Variants in NRG3 observed in about 807,000 individuals in gnomAD.
The protein encoded by NRG3 is neuregulin 3.
A neutral mutation model predicts 66.9 loss-of-function variants in NRG3; 31 were observed. That is an observed-to-expected ratio of 0.46 (90% confidence interval 0.35 to 0.63). The LOEUF is 0.63. Ranked by LOEUF, NRG3 falls within the 20% of genes least tolerant of loss-of-function variation. The probability of loss-of-function intolerance (pLI) is 0.00; values close to 1 mark genes in which losing one functional copy is unlikely to be tolerated. For synonymous variants in NRG3, 393 were observed against 359.4 expected (o/e 1.09, Z -1.06); for missense variants, 910 against 878.9 (o/e 1.04, Z -0.45).
chr10:82,373,861 A>C (rs1191663723), intron 2 of NRG3, among the ~76,000 whole-genome samples: 1 of 152,172 alleles, frequency 6.6e-6, no homozygotes, highest in Non-Finnish European at 1.5e-5. Context: ...AGAAATAGTG[A>C]TTATTTTAAT....
chr10:82,940,285 A>G (rs2132257301), intron 4 of NRG3, among the ~76,000 whole-genome samples: 1 of 152,202 alleles, frequency 6.6e-6, no homozygotes, highest in African/African-American at 2.4e-5. Flanking sequence ...GTATTAGCAG[A>G]CTTGGTTTCT....
chr10:82,977,885 A>G (rs765906637), intron 7 of NRG3, among the ~76,000 whole-genome samples: 1 of 152,196 alleles, frequency 6.6e-6, no homozygotes, highest in Non-Finnish European at 1.5e-5. Context: ...ATAATATAGT[A>G]ATATGGGTAA....
At chr10:82,716,621 A>G (rs1375491191) in intron 2 of NRG3, among the ~76,000 whole-genome samples, 1 of 152,188 alleles carries the variant, frequency 6.6e-6, no homozygotes, top group Non-Finnish European at 1.5e-5. Context: ...TCTTTGTCCA[A>G]ACCAAAATGA....
intron 2 of NRG3, among the ~76,000 whole-genome samples, chr10:82,622,880 A>G (rs931315935): frequency 6.6e-6 from 1 of 152,196 alleles, no homozygotes; most frequent in South Asian, 2.1e-4. Flanking sequence ...TGTTCTGAGC[A>G]TGTTTGAAGT....
chr10:82,963,543 G>A (rs1201249646), intron 6 of NRG3, among the ~76,000 whole-genome samples: 6 of 152,264 alleles, frequency 3.9e-5, no homozygotes, highest in East Asian at 1.9e-4. Context: ...AGCCTGGCGC[G>A]GTGGCTGACG....
chr10:81,971,478 C>T (rs149470654), intron 1 of NRG3, among the ~76,000 whole-genome samples: 1 of 152,234 alleles, frequency 6.6e-6, no homozygotes, highest in Non-Finnish European at 1.5e-5. Flanking sequence ...TGGAAAAGAT[C>T]AACTATGATG....
chr10:82,057,721 A>AT (rs2063917662), intron 1 of NRG3, among the ~76,000 whole-genome samples: 1 of 150,762 alleles, frequency 6.6e-6, no homozygotes, highest in Non-Finnish European at 1.5e-5. Context: ...CTTCTCCTTC[A>AT]CTGCCTCCTC....
At chr10:82,560,483 T>G (rs2044966208) in intron 2 of NRG3, among the ~76,000 whole-genome samples, 1 of 151,108 alleles carries the variant, frequency 6.6e-6, no homozygotes, top group African/African-American at 2.4e-5. Context: ...TACTTATATT[T>G]TGGATAAGTA....
intron 2 of NRG3, among the ~76,000 whole-genome samples, chr10:82,669,248 GTAATAATAA>G (rs5786560): frequency 0.093 from 13,311 of 142,934 alleles, 1,080 homozygotes; most frequent in African/African-American, 0.22. Flanking sequence ...ATTTATGATG[GTAATAATAA>G]TAATAATAAT....
chr10:82,083,985 C>T lies in NRG3; in HGVS notation c.823+207822C>T, dbSNP rs376301407. 9.9e-5 allele frequency among the ~76,000 whole-genome samples: 15 copies of T among 151,436 alleles called. No homozygotes were observed. The South Asian group carries it at 1.1e-3, about 11-fold the overall frequency. ...GCTCACTCCTGTAATCACAGCACTTCGGGAGGCTGAGGCGGGCGGATTATC... is the reference window on the plus strand; with the variant it reads ...GCTCACTCCTGTAATCACAGCACTTTGGGAGGCTGAGGCGGGCGGATTATC... On this transcript the variant is annotated intron_variant, in intron 1 of 8. Transcript: ENST00000372141.
chr10:82,024,292 CA>C (rs1249496130), intron 1 of NRG3, among the ~76,000 whole-genome samples: 3 of 151,654 alleles, frequency 2.0e-5, no homozygotes. Flanking sequence ...TGCAAAATAA[CA>C]AGTTGTATTT....
intron 2 of NRG3, among the ~76,000 whole-genome samples, chr10:82,541,690 T>C (rs1020959575): frequency 7.2e-5 from 11 of 152,198 alleles, no homozygotes; most frequent in African/African-American, 2.7e-4. Context: ...GTGGATTTCA[T>C]TTATGCCTTT....
At chr10:82,722,352 G>A (rs2057365285) in intron 2 of NRG3, among the ~76,000 whole-genome samples, 1 of 152,074 alleles carries the variant, frequency 6.6e-6, no homozygotes, top group Non-Finnish European at 1.5e-5. Context: ...TTGTGTCTAA[G>A]ATACGCTATA....
chr10:82,795,911 C>A (rs2060781627), intron 3 of NRG3, among the ~76,000 whole-genome samples: 1 of 152,028 alleles, frequency 6.6e-6, no homozygotes. Flanking sequence ...GGAGTTCAGT[C>A]TGAAACAATG....
At chr10:82,570,500 T>C (rs2045662914) in intron 2 of NRG3, among the ~76,000 whole-genome samples, 1 of 151,654 alleles carries the variant, frequency 6.6e-6, no homozygotes, top group Non-Finnish European at 1.5e-5. Flanking sequence ...AGACCTCAAG[T>C]ACTTAATAAA....
intron 1 of NRG3, among the ~76,000 whole-genome samples, chr10:82,024,327 T>C (rs1474377933): frequency 6.6e-6 from 1 of 151,772 alleles, no homozygotes; most frequent in African/African-American, 2.4e-5. Context: ...TATTTTTGTA[T>C]CCTTAATTTC....
At chr10:82,114,915 T>C (rs1176461857) in intron 1 of NRG3, among the ~76,000 whole-genome samples, 1 of 152,168 alleles carries the variant, frequency 6.6e-6, no homozygotes, top group Admixed American at 6.6e-5. Context: ...CTGACATCAA[T>C]TGAAATCATT....
At chr10:82,218,329 C>A (rs538649298) in intron 1 of NRG3, among the ~76,000 whole-genome samples, 2 of 152,100 alleles carry the variant, frequency 1.3e-5, no homozygotes, top group Non-Finnish European at 2.9e-5. Context: ...TAAAATTCAC[C>A]GCAAAGATTC....
At chr10:82,437,637 C>A (rs2090212232) in intron 2 of NRG3, among the ~76,000 whole-genome samples, 1 of 152,066 alleles carries the variant, frequency 6.6e-6, no homozygotes, top group Admixed American at 6.6e-5. Context: ...GGGTTTTTGG[C>A]ATTTATACAT....
Sources: allele counts gnomAD v4.1 joint callset (sites outside exome capture counted in the v4.1 genomes callset), GRCh38; gene constraint gnomAD v4.1.1; transcripts MANE v1.5; gene names NCBI Gene and HGNC (gene_info 2026-07-23, HGNC 2026-07-21).